NBEAL1: variants seen among roughly 807,000 people sequenced by gnomAD.
NBEAL1 encodes the protein neurobeachin-like protein 1.
NBEAL1 carries 273 observed loss-of-function variants against 351.3 expected under a neutral mutation model. The observed-to-expected ratio is 0.78, with a 90% confidence interval of 0.70 to 0.86. The LOEUF (loss-of-function observed/expected upper bound fraction) is 0.86, where lower values mean the gene tolerates loss of function less well. Ranked by LOEUF, NBEAL1 falls within the 40% of genes least tolerant of loss-of-function variation. NBEAL1 has a pLI of 0.00. For synonymous variants in NBEAL1, 1,050 were observed against 1,086.4 expected (o/e 0.97, Z 0.66); for missense variants, 2,961 against 3,201.3 (o/e 0.92, Z 1.81).
chr2:203,104,434 C>A (rs932961878), intron 12 of NBEAL1, among the ~76,000 whole-genome samples: 1 of 152,184 alleles, frequency 6.6e-6, no homozygotes, highest in Non-Finnish European at 1.5e-5. Flanking sequence ...ATGGGTGTCA[C>A]TGCATGTGAG....
intron 36 of NBEAL1, among the ~76,000 whole-genome samples, chr2:203,158,430 A>G (rs1286477441): frequency 1.3e-5 from 2 of 152,118 alleles, no homozygotes; most frequent in East Asian, 3.8e-4. Context: ...AAATTACCCA[A>G]CCTCTGCAAG....
intron 3 of NBEAL1, among the ~76,000 whole-genome samples, chr2:203,045,125 G>A (rs537931004): frequency 6.6e-6 from 1 of 152,068 alleles, no homozygotes; most frequent in South Asian, 2.1e-4. Flanking sequence ...TTTCTGAGGA[G>A]CTAATTTTTG....
chr2:203,091,823 T>C (rs578105941), intron 10 of NBEAL1, among the ~76,000 whole-genome samples: 1 of 152,332 alleles, frequency 6.6e-6, no homozygotes, highest in East Asian at 1.9e-4. Flanking sequence ...AAATCAGATT[T>C]GTTATTGTCT....
At chr2:203,049,061 C>T (rs56709005) in intron 3 of NBEAL1, among the ~76,000 whole-genome samples, 5,362 of 151,762 alleles carry the variant, frequency 0.035, 306 homozygotes, top group African/African-American at 0.12. Context: ...GGCTGGAGTA[C>T]AGTGGCACAA....
At chr2:203,146,358 A>G (rs1416772556) in intron 33 of NBEAL1, among the ~76,000 whole-genome samples, 1 of 152,210 alleles carries the variant, frequency 6.6e-6, no homozygotes, top group African/African-American at 2.4e-5. Context: ...TCAAAAATAG[A>G]AAAGTAGGAA....
chr2:203,129,164 A>T (rs1370887447), intron 24 of NBEAL1, among the ~76,000 whole-genome samples: 1 of 152,112 alleles, frequency 6.6e-6, no homozygotes, highest in Non-Finnish European at 1.5e-5. Context: ...ACATATACAG[A>T]CCAGGAATTA....
intron 2 of NBEAL1, among the ~76,000 whole-genome samples, chr2:203,033,245 C>T (rs1356631671): frequency 1.3e-5 from 2 of 152,136 alleles, no homozygotes; most frequent in Non-Finnish European, 2.9e-5. Context: ...CGTGATCTGC[C>T]CACCTCGGCC....
rs1054834194 is a variant in NBEAL1 at position 203,220,209 on chromosome 2, A to T, written c.*2855A>T. 2.0e-5 allele frequency among the ~76,000 whole-genome samples: 3 copies of T among 152,084 alleles called. No individual in the cohort carries two copies. Among genetic ancestry groups the T allele is most frequent in the Non-Finnish European group, 2.9e-5 (2 of 67,988 alleles). On this transcript the variant is annotated 3_prime_UTR_variant, in exon 56 of 56. Transcript: ENST00000683969. ...TCTTACAAAGTCTGTTACCTGGCCA[A>T]TTGTGGTGGCTCACGCCTATAATCC...
chr2:203,106,778 C>G (rs2062449425), intron 12 of NBEAL1, among the ~76,000 whole-genome samples: 1 of 152,070 alleles, frequency 6.6e-6, no homozygotes, highest in Non-Finnish European at 1.5e-5. Context: ...ATATTTCAAC[C>G]TAAGGTAATG....
intron 47 of NBEAL1, among the ~76,000 whole-genome samples, 185 bp downstream of exon 47, chr2:203,194,096 G>A (rs943801478): frequency 1.5e-4 from 23 of 152,110 alleles, no homozygotes; most frequent in Non-Finnish European, 3.1e-4. Flanking sequence ...GCTGCTGAGT[G>A]GTAGTCTGAA....
rs1307840095 is a variant in NBEAL1 at position 203,130,672 on chromosome 2, C to A, written c.3564+196C>A. ...ACTAATTATATTGTAATCTGAAAAT[C>A]CTCTCAGTGGAATATTCACTTTGTC... On this transcript the variant is annotated intron_variant, in intron 25 of 55. Transcript: ENST00000683969. 1.3e-5 allele frequency among the ~76,000 whole-genome samples: 2 copies of A among 151,986 alleles called. 1 individual carries two copies. The highest frequency in any genetic ancestry group is 4.8e-5 in the African/African-American group (2 of 41,380).
intron 19 of NBEAL1, among the ~76,000 whole-genome samples, chr2:203,122,635 G>T (rs1029224030): frequency 3.9e-5 from 6 of 152,202 alleles, no homozygotes; most frequent in African/African-American, 1.4e-4. Flanking sequence ...GCAACTGTCT[G>T]TGTGGAGTTT....
intron 10 of NBEAL1, among the ~76,000 whole-genome samples, chr2:203,086,833 C>G (rs2061969784): frequency 6.6e-6 from 1 of 152,140 alleles, no homozygotes; most frequent in Non-Finnish European, 1.5e-5. Flanking sequence ...CCGTGCCCGG[C>G]CTGCTTTTCT....
chr2:203,185,404 G>A (rs1004043003), intron 44 of NBEAL1, among the ~76,000 whole-genome samples: 1 of 152,164 alleles, frequency 6.6e-6, no homozygotes, highest in African/African-American at 2.4e-5. Context: ...GGGAGAGATA[G>A]CATTAGGAGA....
At chr2:203,149,772 A>T (rs903552884) in intron 34 of NBEAL1, among the ~76,000 whole-genome samples, 3 of 152,038 alleles carry the variant, frequency 2.0e-5, no homozygotes, top group East Asian at 1.9e-4. Context: ...CAGCTTTCTG[A>T]CTGTATTTAT....
At chr2:203,150,542 T>C (rs572588529) in intron 34 of NBEAL1, among the ~76,000 whole-genome samples, 41 of 152,092 alleles carry the variant, frequency 2.7e-4, no homozygotes, top group East Asian at 9.7e-4. Context: ...TACAGGAAAG[T>C]TTTTAATTTT....
intron 7 of NBEAL1, among the ~76,000 whole-genome samples, chr2:203,077,108 G>A (rs1293027813): frequency 1.3e-5 from 2 of 151,850 alleles, no homozygotes; most frequent in Non-Finnish European, 2.9e-5. Flanking sequence ...CAAAGAAAAA[G>A]CAGCATAAAG....
At chr2:203,191,182 A>G in intron 46 of NBEAL1, 2 of 1,564,658 alleles carry the variant, frequency 1.3e-6, no homozygotes, top group South Asian at 1.1e-5. Flanking sequence ...GATCCTGGGG[A>G]CTGCCCAGTC....
At chr2:203,065,583 T>C (rs562072655) in intron 6 of NBEAL1, among the ~76,000 whole-genome samples, 4 of 152,220 alleles carry the variant, frequency 2.6e-5, no homozygotes, top group African/African-American at 9.6e-5. Flanking sequence ...AAACCCCGTC[T>C]CTACTAAAAA....
Sources: gnomAD v4.1 joint callset for allele counts (sites outside exome capture counted in the v4.1 genomes callset) on GRCh38, gnomAD v4.1.1 for gene constraint, MANE v1.5 for transcripts, NCBI Gene and HGNC (gene_info 2026-07-23, HGNC 2026-07-21) for gene names.